Variants in SCAF4 observed in about 807,000 individuals in gnomAD.
SCAF4 encodes the protein SR-related and CTD-associated factor 4.
A neutral mutation model predicts 129.8 loss-of-function variants in SCAF4; 25 were observed. The observed-to-expected ratio is 0.19, with a 90% CI of 0.14 to 0.27. The LOEUF (loss-of-function observed/expected upper bound fraction) is 0.27. Ranked by LOEUF, SCAF4 falls within the 10% of genes least tolerant of loss-of-function variation. The pLI, the probability that SCAF4 is intolerant of heterozygous loss-of-function variation, is 1.00. For synonymous variants in SCAF4, 551 were observed against 497.7 expected (o/e 1.11, Z -1.43); for missense variants, 1,246 against 1,457.1 (o/e 0.86, Z 2.36).
At chr21:31,714,754 GA>G (rs937617607) in intron 1 of SCAF4, among the ~76,000 whole-genome samples, 30 of 152,276 alleles carry the variant, frequency 2.0e-4, no homozygotes, top group African/African-American at 6.7e-4. Context: ...TTTAAAATCT[GA>G]AAAACAGGAA....
At chr21:31,720,114 G>A (rs1370942832) in intron 1 of SCAF4, among the ~76,000 whole-genome samples, 1 of 152,086 alleles carries the variant, frequency 6.6e-6, no homozygotes, top group Admixed American at 6.5e-5. Context: ...CCTCACTAAT[G>A]AACTTCTGGT....
chr21:31,675,620 C>T (rs930097755), intron 19 of SCAF4, among the ~76,000 whole-genome samples: 5 of 152,098 alleles, frequency 3.3e-5, no homozygotes, highest in African/African-American at 7.2e-5. Context: ...GGGCTCAGAC[C>T]TGGGAAACAA....
At chr21:31,690,983 G>C (rs759694094) in intron 14 of SCAF4, 30 bp from the exon 15 acceptor site, 2 of 1,580,794 alleles carry the variant, frequency 1.3e-6, no homozygotes, top group Admixed American at 1.8e-5. Context: ...AATATAAAAA[G>C]AAAACAAAGC....
At chr21:31,728,972 G>T (rs937068111) in intron 1 of SCAF4, among the ~76,000 whole-genome samples, 4 of 152,126 alleles carry the variant, frequency 2.6e-5, no homozygotes, top group African/African-American at 9.7e-5. Context: ...AGATGCCAAG[G>T]TCCATGGATT....
At chr21:31,678,220 C>G (rs908151026) in intron 19 of SCAF4, among the ~76,000 whole-genome samples, 1 of 152,146 alleles carries the variant, frequency 6.6e-6, no homozygotes, top group Non-Finnish European at 1.5e-5. Flanking sequence ...TTGATAGGCT[C>G]CCCTCAAACC....
chr21:31,713,800 C>A (rs1601255279), intron 1 of SCAF4, among the ~76,000 whole-genome samples: 2 of 151,990 alleles, frequency 1.3e-5, no homozygotes, highest in African/African-American at 4.8e-5. Context: ...AAAAAAACTT[C>A]ATGTTTTTCA....
chr21:31,696,087 T>A, intron 9 of SCAF4, 26 bp downstream of exon 9: 1 of 1,535,424 alleles, frequency 6.5e-7, no homozygotes, highest in Non-Finnish European at 9.0e-7. Flanking sequence ...AGATCTTTCT[T>A]TGAACTGCAA....
At chr21:31,702,974 T>C (rs940277413) in intron 4 of SCAF4, among the ~76,000 whole-genome samples, 2 of 152,192 alleles carry the variant, frequency 1.3e-5, no homozygotes, top group Non-Finnish European at 2.9e-5. Context: ...TTCTTCATTA[T>C]TCTGAGTATG....
chr21:31,699,057 G>A (rs1382008472), intron 7 of SCAF4, among the ~76,000 whole-genome samples: 1 of 152,122 alleles, frequency 6.6e-6, no homozygotes, highest in African/African-American at 2.4e-5. Flanking sequence ...GGGAGGGGGA[G>A]AGACGGGATA....
chr21:31,721,719 G>C (rs1407596491), intron 1 of SCAF4, among the ~76,000 whole-genome samples: 4 of 148,336 alleles, frequency 2.7e-5, no homozygotes, highest in African/African-American at 9.9e-5. Flanking sequence ...TCAAGCAAGA[G>C]CAATTCTTTT....
In SCAF4 at chr21:31,701,976, A is replaced by G. The variant is rs892441548; in HGVS notation, c.458-58T>C. 3.9e-5 allele frequency: 62 copies of G among 1,574,200 alleles called. No homozygotes were observed. The African/African-American group carries it at 4.3e-4, about 11-fold the overall frequency. On this transcript the variant is annotated intron_variant, in intron 5 of 19. Coordinates refer to ENST00000286835, the MANE Select transcript of SCAF4 (RefSeq NM_020706.2). ...AAAAGTTAACCTACAAGTTTTCCTAATTAAGCTTCTTTGCTAAAATAACAT... is the reference window on the plus strand; with the variant it reads ...AAAAGTTAACCTACAAGTTTTCCTAGTTAAGCTTCTTTGCTAAAATAACAT...
chr21:31,684,757 A>C, intron 19 of SCAF4: 1 of 385,324 alleles, frequency 2.6e-6, no homozygotes, highest in Admixed American at 4.1e-5. Flanking sequence ...ACTTTTAATC[A>C]TTTTTCTATA....
At chr21:31,722,200 G>A (rs1205153514) in intron 1 of SCAF4, among the ~76,000 whole-genome samples, 1 of 152,088 alleles carries the variant, frequency 6.6e-6, no homozygotes, top group Admixed American at 6.5e-5. Flanking sequence ...TTAATTGGAA[G>A]TTTATTAGGA....
At chr21:31,689,054 ACATTCTCCACTG>A (rs2050195691) in intron 15 of SCAF4, among the ~76,000 whole-genome samples, 2 of 152,252 alleles carry the variant, frequency 1.3e-5, no homozygotes, top group Admixed American at 1.3e-4. Flanking sequence ...GCTTTTCAAT[ACATTCTCCACTG>A]GACCATGAGC....
chr21:31,728,687 A>C (rs769706813), intron 1 of SCAF4, among the ~76,000 whole-genome samples: 8 of 152,162 alleles, frequency 5.3e-5, no homozygotes, highest in Non-Finnish European at 8.8e-5. Context: ...CATTGGTCTT[A>C]TATTAATTCC....
At position 31,683,060 on chromosome 21, in the gene SCAF4, C is replaced by T. The variant is rs2050032534; in HGVS notation, c.2488+1989G>A. ...GCTTATTTTAACAAAATTGTTTTCA[C>T]TTTTCTTATGTCAAATTCTAAACCC... On this transcript the variant is annotated intron_variant, in intron 19 of 19. Transcript: ENST00000286835. Among the ~76,000 whole-genome samples, 2 of 152,172 alleles carry T rather than the reference C, an allele frequency of 1.3e-5. 1 individual carries two copies. The highest frequency in any genetic ancestry group is 4.1e-4 in the South Asian group (2 of 4,828).
At chr21:31,706,688 G>T in intron 1 of SCAF4, 1 of 284,284 alleles carries the variant, frequency 3.5e-6, no homozygotes, top group Non-Finnish European at 6.7e-6. Flanking sequence ...AAAAAAGGCA[G>T]CAGAAGTATA....
intron 1 of SCAF4, among the ~76,000 whole-genome samples, chr21:31,715,155 T>C (rs1044353644): frequency 6.6e-6 from 1 of 152,212 alleles, no homozygotes; most frequent in African/African-American, 2.4e-5. Context: ...GGGAAGAATC[T>C]ATTTCTTGTC....
intron 1 of SCAF4, among the ~76,000 whole-genome samples, chr21:31,710,607 A>G (rs1290560078): frequency 6.6e-6 from 1 of 152,182 alleles, no homozygotes; most frequent in South Asian, 2.1e-4. Context: ...CATACATACC[A>G]AAAATTTCAA....
Sources: allele counts gnomAD v4.1 joint callset (sites outside exome capture counted in the v4.1 genomes callset), GRCh38; gene constraint gnomAD v4.1.1; transcripts MANE v1.5; gene names NCBI Gene and HGNC (gene_info 2026-07-23, HGNC 2026-07-21).